PCNX2: variants seen among roughly 807,000 people sequenced by gnomAD.
The protein encoded by PCNX2 is pecanex-like protein 2.
In PCNX2, 168 loss-of-function variants were observed where a neutral mutation model predicts 223.8. The observed-to-expected ratio is 0.75, with a 90% CI of 0.66 to 0.85. The LOEUF (loss-of-function observed/expected upper bound fraction) is 0.85, where lower values mean the gene tolerates loss of function less well. Ranked by LOEUF, PCNX2 falls within the 40% of genes least tolerant of loss-of-function variation. PCNX2 has a pLI of 0.00. For synonymous variants in PCNX2, 1,006 were observed against 1,052.6 expected (o/e 0.96, Z 0.86); for missense variants, 2,507 against 2,675.5 (o/e 0.94, Z 1.39).
chr1:233,215,881 T>C (rs1163339120), intron 12 of PCNX2, among the ~76,000 whole-genome samples: 2 of 152,190 alleles, frequency 1.3e-5, no homozygotes, highest in Non-Finnish European at 2.9e-5. Context: ...GACTCTAGGA[T>C]AAAAGAAGAT....
At chr1:233,160,233 A>G (rs760393570) in intron 19 of PCNX2, 50 bp downstream of exon 19, 2 of 1,565,552 alleles carry the variant, frequency 1.3e-6, no homozygotes, top group East Asian at 2.2e-5. Flanking sequence ...GGTTTAATGT[A>G]TACCTACCCC....
the PCNX2 span, among the ~76,000 whole-genome samples, chr1:233,319,380 T>C: frequency 6.6e-6 from 1 of 152,212 alleles, no homozygotes; most frequent in Non-Finnish European, 1.5e-5. Context: ...GGGATTATCT[T>C]TTCTGGTATT....
intron 23 of PCNX2, among the ~76,000 whole-genome samples, chr1:233,087,488 T>A (rs1673663706): frequency 6.6e-6 from 1 of 152,176 alleles, no homozygotes; most frequent in East Asian, 1.9e-4. Context: ...AAGACGGTAA[T>A]TAGAACGGCC....
At chr1:233,014,545 C>A in intron 28 of PCNX2, 120 bp downstream of exon 28, 3 of 714,224 alleles carry the variant, frequency 4.2e-6, no homozygotes, top group South Asian at 1.9e-5. Context: ...ATGAAAAGAA[C>A]TATCTGAAAG....
intron 21 of PCNX2, among the ~76,000 whole-genome samples, chr1:233,118,506 A>C (rs920740884): frequency 1.3e-5 from 2 of 151,902 alleles, no homozygotes; most frequent in South Asian, 2.1e-4. Flanking sequence ...AAAAAAAAAA[A>C]AAAAACCCTC....
intron 23 of PCNX2, among the ~76,000 whole-genome samples, chr1:233,072,576 C>A (rs1277568704): frequency 6.6e-6 from 1 of 152,054 alleles, no homozygotes; most frequent in East Asian, 1.9e-4. Context: ...ATTCTTTTAT[C>A]CTAGTTTGTT....
At chr1:233,256,807 T>G (rs1659757974) in intron 5 of PCNX2, among the ~76,000 whole-genome samples, 1 of 152,200 alleles carries the variant, frequency 6.6e-6, no homozygotes, top group Non-Finnish European at 1.5e-5. Flanking sequence ...TATACCGCCC[T>G]GTCTGTTAAA....
At position 233,252,507 on chromosome 1, in the gene PCNX2, C is replaced by T. The variant is rs747353293; in HGVS notation, c.1983-8G>A. 6.3e-7 allele frequency: 1 copy of T among 1,590,920 alleles called. No individual in the cohort carries two copies. Among genetic ancestry groups the T allele is most frequent in the Non-Finnish European group, 8.6e-7 (1 of 1,166,898 alleles). The stretch of plus-strand genomic sequence containing the variant: ...TGTCTATTGCCCTGAAAACTTAACA[C>T]ATATAAAAGTTTCAAAAAAAATGAT... On this transcript the variant is annotated splice_region_variant and splice_polypyrimidine_tract_variant and intron_variant, in intron 6 of 33. Coordinates refer to ENST00000258229, the MANE Select transcript of PCNX2 (RefSeq NM_014801.4).
intron 9 of PCNX2, chr1:233,231,786 TCA>T: frequency 2.1e-6 from 1 of 482,140 alleles, no homozygotes; most frequent in Non-Finnish European, 2.7e-6. Flanking sequence ...TTTTGAGAAA[TCA>T]CAGAGTGGCT....
chr1:233,076,726 G>T (rs1673113143), intron 23 of PCNX2, among the ~76,000 whole-genome samples: 1 of 152,078 alleles, frequency 6.6e-6, no homozygotes, highest in South Asian at 2.1e-4. Flanking sequence ...GAGACACCTT[G>T]TCAAATCATT....
At chr1:233,103,294 C>G (rs1384598859) in intron 21 of PCNX2, among the ~76,000 whole-genome samples, 1 of 152,060 alleles carries the variant, frequency 6.6e-6, no homozygotes, top group African/African-American at 2.4e-5. Flanking sequence ...CAGTTATATT[C>G]TTTTAGTTCC....
chr1:233,179,929 T>C (rs979519301), intron 15 of PCNX2, among the ~76,000 whole-genome samples: 1 of 152,214 alleles, frequency 6.6e-6, no homozygotes, highest in African/African-American at 2.4e-5. Flanking sequence ...TATTAGCAAA[T>C]AGGGTATCTG....
chr1:233,042,547 C>T (rs1008592729), intron 25 of PCNX2, among the ~76,000 whole-genome samples: 3 of 152,204 alleles, frequency 2.0e-5, no homozygotes, highest in African/African-American at 7.2e-5. Flanking sequence ...CAATTATATC[C>T]AATCTCCTCC....
At chr1:233,186,577 C>T (rs74744298) in intron 15 of PCNX2, among the ~76,000 whole-genome samples, 8,534 of 152,184 alleles carry the variant, frequency 0.056, 677 homozygotes, top group African/African-American at 0.18. Context: ...ACCTTGAACA[C>T]CCCAGAAGGG....
At chr1:233,237,505 C>G (rs1461353511) in intron 8 of PCNX2, among the ~76,000 whole-genome samples, 2 of 152,148 alleles carry the variant, frequency 1.3e-5, no homozygotes, top group Non-Finnish European at 2.9e-5. Flanking sequence ...TAGTTGTGAT[C>G]TATATCTAAA....
rs200931406 is a variant in PCNX2, at chr1:233,252,646, T to C, written c.1977A>G (p.Thr659=). 8 of 1,609,994 alleles carry C rather than the reference T, an allele frequency of 5.0e-6. No homozygotes were observed. The highest frequency in any genetic ancestry group is 6.8e-6 in the Non-Finnish European group (8 of 1,178,910). ...GPACTQPAKT[T]AFFQGNRQRQ... Reference sequence around the variant, plus strand: ...ATTAAGTAACTTATCCTTACAAGGCTGTGGTCTTGGCAGGCTGAGTGCATG... The same window carrying C: ...ATTAAGTAACTTATCCTTACAAGGCCGTGGTCTTGGCAGGCTGAGTGCATG... The change falls in exon 6 of 34, where the codon ACA becomes ACG. Residue 659 remains threonine, a synonymous_variant. Transcript: ENST00000258229.
In PCNX2 at chr1:232,986,260, G is replaced by C; in HGVS notation, c.6072C>G (p.Ser2024=). The C allele has an allele frequency of 1.9e-6, 3 of 1,561,626 alleles. No individual in the cohort carries two copies. The highest frequency in any genetic ancestry group is 2.6e-6 in the Non-Finnish European group (3 of 1,153,120). Reference sequence around the variant, plus strand: ...AGAGGAAGCTCAGGGTGGAGCTGGTGGAGGAGCCCAGGCTGGACCTGATGA... The same window carrying C: ...AGAGGAAGCTCAGGGTGGAGCTGGTCGAGGAGCCCAGGCTGGACCTGATGA... ...EALIRSSLGS[S]TSSTLSFLFG... is the part of the protein sequence containing the mutation. The change falls in exon 33 of 34, where the codon TCC becomes TCG. Residue 2024 remains serine, a synonymous_variant. Transcript: ENST00000258229.
chr1:233,087,451 C>G (rs1673662076), intron 23 of PCNX2, among the ~76,000 whole-genome samples: 1 of 152,178 alleles, frequency 6.6e-6, no homozygotes, highest in South Asian at 2.1e-4. Context: ...ATGACGTTAA[C>G]TGACTGGTCC....
chr1:233,009,326 C>T (rs1294478833), intron 28 of PCNX2, among the ~76,000 whole-genome samples: 1 of 152,108 alleles, frequency 6.6e-6, no homozygotes, highest in Non-Finnish European at 1.5e-5. Flanking sequence ...GCCACCTTGG[C>T]TTCAGATATA....
Sources: gnomAD v4.1 joint callset for allele counts (sites outside exome capture counted in the v4.1 genomes callset) on GRCh38, gnomAD v4.1.1 for gene constraint, MANE v1.5 for transcripts, NCBI Gene and HGNC (gene_info 2026-07-23, HGNC 2026-07-21) for gene names.